The following SYT17 variants were observed in gnomAD, a reference collection of about 807,000 sequenced individuals.
SYT17 encodes the protein synaptotagmin-17.
A neutral mutation model predicts 46.7 loss-of-function variants in SYT17; 22 were observed. The ratio of observed to expected loss-of-function variants is 0.47; its 90% CI spans 0.34 to 0.67. SYT17 has a LOEUF of 0.67. Among genes scored for constraint, SYT17 ranks in the 30% least tolerant of loss-of-function variants. The probability of loss-of-function intolerance (pLI) is 0.01; values close to 1 mark genes in which losing one functional copy is unlikely to be tolerated. For synonymous variants in SYT17, 251 were observed against 248.4 expected (o/e 1.01, Z -0.10); for missense variants, 519 against 612.8 (o/e 0.85, Z 1.62).
chr16:19,175,128 AAAAT>A (rs1235023098), intron 3 of SYT17, among the ~76,000 whole-genome samples: 1 of 152,182 alleles, frequency 6.6e-6, no homozygotes, highest in Non-Finnish European at 1.5e-5. Flanking sequence ...CCCTGTCTCA[AAAAT>A]AAATACATAA....
In SYT17 at chr16:19,183,718, G is replaced by A; in HGVS notation, c.522G>A (p.Leu174=). Residue 174 remains leucine, a synonymous_variant, in exon 5 of 8, where the codon CTG becomes CTA. Transcript: ENST00000355377. The surrounding 1 kb of genome is among the most constrained non-coding windows in gnomAD (Gnocchi z 5.6). The part of the protein sequence containing the change: ...LDSNSDDVDS[L]TDEEILSKYQ... ...CCAACAGCGACGATGTGGACTCTCT[G>A]ACAGACGAGGAGATCCTGTCCAAGT... is the stretch of plus-strand genomic sequence containing the variant. 6.2e-7 allele frequency: 1 copy of A among 1,614,188 alleles called. No homozygotes were observed. The highest frequency in any genetic ancestry group is 8.5e-7 in the Non-Finnish European group (1 of 1,180,034).
chr16:19,184,613 C>T (rs893815369), intron 5 of SYT17, among the ~76,000 whole-genome samples: 20 of 151,132 alleles, frequency 1.3e-4, no homozygotes, highest in African/African-American at 4.9e-4. Flanking sequence ...CCAGGATGGT[C>T]TCGATCTCCT....
In SYT17 at chr16:19,267,971, TGTAAA is replaced by T. The variant is rs147219237; in HGVS notation, c.*901_*905del. ...GTGTGTGTGTGTGTGTGTGTGTGTG[TGTAAA>T]GTAAATAGGATATGATAGAGCAAAA... On this transcript the variant is annotated 3_prime_UTR_variant, in exon 8 of 8. Transcript: ENST00000355377. The T allele has an allele frequency of 0.3, 42,784 of 140,980 alleles. 6,623 individuals are homozygous for T. Among genetic ancestry groups the T allele is most frequent in the East Asian group, 0.65 (3,129 of 4,848 alleles). The allele number at this position is 140,980 out of a possible 1,614,324, so 8.7% of individuals were successfully genotyped here.
intron 7 of SYT17, among the ~76,000 whole-genome samples, chr16:19,254,664 T>A (rs1968434773): frequency 6.6e-6 from 1 of 152,146 alleles, no homozygotes; most frequent in South Asian, 2.1e-4. Context: ...TGTAACTAGC[T>A]CTGTAGACAG....
chr16:19,234,325 CAAGAA>C (rs1368865541), intron 7 of SYT17, among the ~76,000 whole-genome samples: 1 of 151,956 alleles, frequency 6.6e-6, no homozygotes, highest in South Asian at 2.1e-4. Context: ...GACCCGGTCT[CAAGAA>C]AAGAAAAGAA....
chr16:19,185,620 G>A (rs79130383), intron 5 of SYT17, among the ~76,000 whole-genome samples: 1 of 147,266 alleles, frequency 6.8e-6, no homozygotes. Flanking sequence ...AAAAAAAAAA[G>A]TTGCCTTTCC....
chr16:19,242,937 T>C (rs574541635), intron 7 of SYT17, among the ~76,000 whole-genome samples: 15 of 152,120 alleles, frequency 9.9e-5, no homozygotes, highest in African/African-American at 3.1e-4. Context: ...AAGAACTGGG[T>C]GAGATGACAT....
At chr16:19,246,466 A>G (rs1967576643) in intron 7 of SYT17, among the ~76,000 whole-genome samples, 2 of 152,246 alleles carry the variant, frequency 1.3e-5, no homozygotes, top group Non-Finnish European at 2.9e-5. Context: ...CACATATATT[A>G]TGTGCAACCG....
At chr16:19,261,608 C>T (rs939145313) in intron 7 of SYT17, among the ~76,000 whole-genome samples, 3 of 152,226 alleles carry the variant, frequency 2.0e-5, no homozygotes, top group Non-Finnish European at 2.9e-5. Context: ...TCAAACTGTA[C>T]ATACTTATTG....
At chr16:19,208,730 A>G (rs1044647570) in intron 5 of SYT17, among the ~76,000 whole-genome samples, 23 of 151,956 alleles carry the variant, frequency 1.5e-4, no homozygotes, top group Admixed American at 6.6e-5. Context: ...TTTGGTGTCT[A>G]TTGGCTTATA....
chr16:19,247,438 T>A (rs568174163), intron 7 of SYT17, among the ~76,000 whole-genome samples: 8 of 152,296 alleles, frequency 5.3e-5, no homozygotes, highest in South Asian at 2.1e-4. Flanking sequence ...TTGCAATTTT[T>A]AAAAAAATGA....
At chr16:19,222,366 T>A (rs957451853) in intron 5 of SYT17, among the ~76,000 whole-genome samples, 7 of 151,874 alleles carry the variant, frequency 4.6e-5, no homozygotes, top group Admixed American at 2.0e-4. Context: ...CAGTATGGAG[T>A]CATGCACTTA....
chr16:19,177,633 T>A (rs1964367003), intron 3 of SYT17, among the ~76,000 whole-genome samples: 1 of 152,214 alleles, frequency 6.6e-6, no homozygotes, highest in Non-Finnish European at 1.5e-5. Context: ...GACTGGCATG[T>A]GGCAGATGAG....
intron 5 of SYT17, among the ~76,000 whole-genome samples, chr16:19,193,596 A>G (rs886525706): frequency 1.3e-5 from 2 of 152,162 alleles, no homozygotes; most frequent in African/African-American, 4.8e-5. Context: ...TGGGAAAGTC[A>G]TCTGTTATCC....
intron 7 of SYT17, among the ~76,000 whole-genome samples, chr16:19,248,213 GAA>G (rs1180890800): frequency 6.6e-6 from 1 of 152,136 alleles, no homozygotes; most frequent in East Asian, 1.9e-4. Context: ...TTAAAAGATG[GAA>G]AACAAGAAGT....
chr16:19,184,249 C>CT, intron 5 of SYT17, 102 bp downstream of exon 5: 1 of 1,433,792 alleles, frequency 7.0e-7, no homozygotes, highest in Non-Finnish European at 9.3e-7. Flanking sequence ...ATTTTTAAAA[C>CT]TTTTTATTTT....
At chr16:19,184,752 G>C (rs968011468) in intron 5 of SYT17, among the ~76,000 whole-genome samples, 1 of 152,110 alleles carries the variant, frequency 6.6e-6, no homozygotes, top group African/African-American at 2.4e-5. Flanking sequence ...TCGATGCTGA[G>C]TTATTTAATA....
chr16:19,235,256 A>G (rs1966837818), intron 7 of SYT17, among the ~76,000 whole-genome samples: 1 of 152,154 alleles, frequency 6.6e-6, no homozygotes, highest in Non-Finnish European at 1.5e-5. Flanking sequence ...ACACAAGTGG[A>G]TATTATTCTA....
In SYT17 at chr16:19,183,336, T is replaced by A. The variant is rs559157922; in HGVS notation, c.332-192T>A. On this transcript the variant is annotated intron_variant, in intron 4 of 7. Coordinates refer to ENST00000355377, the MANE Select transcript of SYT17 (RefSeq NM_016524.4). The surrounding 1 kb of genome is among the most constrained non-coding windows in gnomAD (Gnocchi z 5.6). ...AGCAGTGCCTGGCACTTAGCTGCTG[T>A]GATGATGGCAAGGTGTCAATAGTGC... 3.3e-4 allele frequency among the ~76,000 whole-genome samples: 51 copies of A among 152,358 alleles called. No individual in the cohort carries two copies. Among genetic ancestry groups the A allele is most frequent in the South Asian group, 2.9e-3 (14 of 4,824 alleles).
Sources: gnomAD v4.1 joint callset for allele counts (sites outside exome capture counted in the v4.1 genomes callset) on GRCh38, gnomAD v4.1.1 for gene constraint, Gnocchi (gnomAD v3.1) non-coding constraint, MANE v1.5 for transcripts, NCBI Gene and HGNC (gene_info 2026-07-23, HGNC 2026-07-21) for gene names.